Variants in ANKS1B observed in about 807,000 individuals in gnomAD.
ANKS1B encodes the protein ankyrin repeat and sterile alpha motif domain containing 1B.
A neutral mutation model predicts 148.3 loss-of-function variants in ANKS1B; 36 were observed. The ratio of observed to expected loss-of-function variants is 0.24; its 90% confidence interval spans 0.19 to 0.32. ANKS1B has a LOEUF of 0.32. ANKS1B is among the 10% of genes least tolerant of loss of function. ANKS1B has a pLI of 1.00. For synonymous variants in ANKS1B, 542 were observed against 560.8 expected, an observed-to-expected ratio of 0.97 and a Z score of 0.47; for missense variants, 1,157 against 1,542.6, an observed-to-expected ratio of 0.75 and a Z score of 4.19.
intron 11 of ANKS1B, among the ~76,000 whole-genome samples, chr12:99,427,772 A>T (rs1352629162): frequency 1.3e-5 from 2 of 152,204 alleles, no homozygotes; most frequent in Non-Finnish European, 2.9e-5. Flanking sequence ...AGGGCATCTC[A>T]GTGAAGATGG....
chr12:99,499,769 A>G (rs1405180151), intron 10 of ANKS1B, among the ~76,000 whole-genome samples: 1 of 152,150 alleles, frequency 6.6e-6, no homozygotes, highest in Non-Finnish European at 1.5e-5. Context: ...GCCCTCCCCA[A>G]ATTGCAGATT....
intron 9 of ANKS1B, among the ~76,000 whole-genome samples, chr12:99,606,236 A>G (rs2097850452): frequency 6.6e-6 from 1 of 151,974 alleles, no homozygotes; most frequent in Non-Finnish European, 1.5e-5. Context: ...TCTCATTATT[A>G]ACCCCTTGTC....
chr12:99,502,204 T>C (rs1304373366), intron 10 of ANKS1B, among the ~76,000 whole-genome samples: 1 of 152,150 alleles, frequency 6.6e-6, no homozygotes, highest in East Asian at 1.9e-4. Flanking sequence ...ATTTTGCATA[T>C]CTATTTCCTG....
At chr12:99,796,247 G>A (rs1442533432) in intron 4 of ANKS1B, among the ~76,000 whole-genome samples, 1 of 151,996 alleles carries the variant, frequency 6.6e-6, no homozygotes, top group East Asian at 1.9e-4. Flanking sequence ...GACAAAGTAT[G>A]ATGGTGAGAG....
chr12:99,916,093 T>A (rs528403472), intron 1 of ANKS1B, among the ~76,000 whole-genome samples: 1 of 152,338 alleles, frequency 6.6e-6, no homozygotes, highest in East Asian at 1.9e-4. Context: ...GTTAATTTTT[T>A]ATTTATATTT....
At chr12:99,836,102 A>G (rs2084813046) in intron 1 of ANKS1B, among the ~76,000 whole-genome samples, 1 of 152,210 alleles carries the variant, frequency 6.6e-6, no homozygotes, top group African/African-American at 2.4e-5. Flanking sequence ...ACAACTATGA[A>G]CTGGCCTTCT....
chr12:99,060,739 T>G (rs999505440), intron 16 of ANKS1B, among the ~76,000 whole-genome samples: 2 of 151,608 alleles, frequency 1.3e-5, no homozygotes, highest in African/African-American at 4.8e-5. Context: ...TCCATCATTC[T>G]TTCTCTTTGC....
chr12:99,915,743 T>C (rs1215239575), intron 1 of ANKS1B, among the ~76,000 whole-genome samples: 1 of 152,166 alleles, frequency 6.6e-6, no homozygotes, highest in Admixed American at 6.5e-5. Flanking sequence ...ACGAACTAAG[T>C]GACTTAAACA....
rs116539834 is a variant in ANKS1B, at chr12:98,875,513, T to C, written c.2779-43377A>G. On this transcript the variant is annotated intron_variant, in intron 17 of 26. Transcript: ENST00000683438. ...TCGGCAGCTCTGTTGTCTGTTTGCC[T>C]GTCTACCCCTCCTTGCTTCCTCCTT... 4.6e-3 allele frequency among the ~76,000 whole-genome samples: 705 copies of C among 152,314 alleles called. 8 individuals are homozygous for C. Among genetic ancestry groups the C allele is most frequent in the African/African-American group, 0.016 (659 of 41,570 alleles).
chr12:99,879,297 G>C (rs1004719781), intron 1 of ANKS1B, among the ~76,000 whole-genome samples: 2 of 152,140 alleles, frequency 1.3e-5, no homozygotes, highest in African/African-American at 4.8e-5. Context: ...CAGGAAGGCA[G>C]CTAGAAGTCT....
intron 12 of ANKS1B, among the ~76,000 whole-genome samples, chr12:99,315,623 T>A (rs1259081601): frequency 6.6e-6 from 1 of 152,150 alleles, no homozygotes; most frequent in African/African-American, 2.4e-5. Flanking sequence ...AGTATGCCAT[T>A]TGGTGATTTT....
intron 10 of ANKS1B, among the ~76,000 whole-genome samples, chr12:99,492,290 G>A (rs971434339): frequency 4.6e-5 from 7 of 152,108 alleles, no homozygotes; most frequent in Admixed American, 2.0e-4. Context: ...GCACATAAAC[G>A]AGAAAACCTA....
intron 8 of ANKS1B, among the ~76,000 whole-genome samples, chr12:99,665,749 G>A (rs1480304770): frequency 6.6e-6 from 1 of 152,162 alleles, no homozygotes; most frequent in Admixed American, 6.5e-5. Context: ...GCCTCCCAAA[G>A]TGCTGCGATT....
chr12:99,401,180 G>A (rs2094394178), intron 11 of ANKS1B, among the ~76,000 whole-genome samples: 1 of 146,108 alleles, frequency 6.8e-6, no homozygotes, highest in African/African-American at 2.6e-5. Flanking sequence ...AGAGGACTCA[G>A]TTGCTTTTGA....
intron 4 of ANKS1B, among the ~76,000 whole-genome samples, chr12:99,795,853 A>G (rs1317898399): frequency 1.3e-5 from 2 of 152,064 alleles, no homozygotes; most frequent in Non-Finnish European, 2.9e-5. Flanking sequence ...ACCGTGCACT[A>G]TAGCTGTAAC....
intron 11 of ANKS1B, among the ~76,000 whole-genome samples, chr12:99,432,289 C>T: frequency 6.6e-6 from 1 of 152,178 alleles, no homozygotes; most frequent in East Asian, 1.9e-4. Context: ...AAGACTTCAC[C>T]TATCTAATGC....
At chr12:99,742,179 A>T (rs2153582294) in intron 8 of ANKS1B, among the ~76,000 whole-genome samples, 2 of 152,104 alleles carry the variant, frequency 1.3e-5, no homozygotes, top group East Asian at 3.9e-4. Context: ...TCGGTGATAA[A>T]ATAATATGTA....
At chr12:99,739,393 T>A (rs2059898089) in intron 8 of ANKS1B, among the ~76,000 whole-genome samples, 1 of 150,762 alleles carries the variant, frequency 6.6e-6, no homozygotes, top group Admixed American at 6.6e-5. Context: ...AAAAACTCCA[T>A]CCAAGATCCT....
intron 1 of ANKS1B, among the ~76,000 whole-genome samples, chr12:99,959,120 G>C (rs1302593808): frequency 6.7e-6 from 1 of 150,192 alleles, no homozygotes; most frequent in African/African-American, 2.5e-5. Context: ...CAGTGGCATG[G>C]CGCGATCTTG....
Sources: gnomAD v4.1 joint callset for allele counts (sites outside exome capture counted in the v4.1 genomes callset) on GRCh38, gnomAD v4.1.1 for gene constraint, MANE v1.5 for transcripts, NCBI Gene and HGNC (gene_info 2026-07-23, HGNC 2026-07-21) for gene names.